Variants in ZNF536 observed in about 807,000 individuals in gnomAD.
ZNF536 encodes zinc finger protein 536.
Under a neutral mutation model 84.5 loss-of-function variants are expected in ZNF536, and 13 were observed. The ratio of observed to expected loss-of-function variants is 0.15; its 90% CI spans 0.10 to 0.24. ZNF536 has a LOEUF of 0.24. ZNF536 is among the 10% of genes least tolerant of loss of function. The pLI, the probability that ZNF536 is intolerant of heterozygous loss-of-function variation, is 1.00. For synonymous variants in ZNF536, 811 were observed against 742.5 expected, an observed-to-expected ratio of 1.09 and a Z score of -1.50; for missense variants, 1,536 against 1,747.5, an observed-to-expected ratio of 0.88 and a Z score of 2.16.
chr19:30,431,507 C>T (rs2051457920), intron 1 of ZNF536, among the ~76,000 whole-genome samples: 1 of 152,186 alleles, frequency 6.6e-6, no homozygotes, highest in Non-Finnish European at 1.5e-5. Flanking sequence ...GGACGAATCT[C>T]CCTGGGCCGA....
At chr19:30,443,214 C>G (rs1019502821) in intron 1 of ZNF536, among the ~76,000 whole-genome samples, 1 of 151,896 alleles carries the variant, frequency 6.6e-6, no homozygotes, top group Admixed American at 6.6e-5. Context: ...GGTACAGGTG[C>G]GACAATGGGG....
At chr19:30,634,443 A>C (rs2048993988) in intron 1 of ZNF536, among the ~76,000 whole-genome samples, 3 of 152,042 alleles carry the variant, frequency 2.0e-5, no homozygotes, top group African/African-American at 4.8e-5. Context: ...AGGAAAAATG[A>C]TTACCCTTGA....
At chr19:30,229,480 G>A (rs2022850524) in intron 1 of ZNF536, among the ~76,000 whole-genome samples, 1 of 152,178 alleles carries the variant, frequency 6.6e-6, no homozygotes, top group African/African-American at 2.4e-5. Context: ...GATTTGCTTG[G>A]GGGAAGACTA....
intron 1 of ZNF536, among the ~76,000 whole-genome samples, chr19:30,635,743 T>G (rs1305044484): frequency 2.6e-5 from 4 of 152,016 alleles, no homozygotes; most frequent in Admixed American, 2.6e-4. Flanking sequence ...TAAAGAGGAG[T>G]TCCGGACTGC....
intron 3 of ZNF536, among the ~76,000 whole-genome samples, chr19:30,360,063 C>T (rs953974104): frequency 2.6e-5 from 4 of 152,170 alleles, no homozygotes; most frequent in East Asian, 1.9e-4. Flanking sequence ...GAAGAGTCTG[C>T]GGGTCAGAGA....
chr19:30,233,409 A>G (rs1247008422), intron 1 of ZNF536, among the ~76,000 whole-genome samples: 4 of 151,742 alleles, frequency 2.6e-5, no homozygotes, highest in African/African-American at 9.7e-5. Context: ...CAGTGGTGCA[A>G]TCACGGCTCA....
chr19:30,671,560 C>T (rs148172738), intron 1 of ZNF536, among the ~76,000 whole-genome samples: 84 of 152,118 alleles, frequency 5.5e-4, no homozygotes, highest in African/African-American at 1.9e-3. Context: ...GAAGGGGAAG[C>T]GGGGCAGGGG....
chr19:30,545,970 G>T lies in ZNF536; in HGVS notation c.2324-1973G>T, dbSNP rs767843648. On this transcript the variant is annotated intron_variant, in intron 3 of 4. Coordinates refer to ENST00000355537, the MANE Select transcript of ZNF536 (RefSeq NM_014717.3). ...GGCCTCACCTCTGCAGGCTTTCATC[G>T]CCTGGCCCTCCCGCAGGGCTTGCTC... Among the ~76,000 whole-genome samples the T allele has an allele frequency of 7.9e-5, 12 of 152,274 alleles. No homozygotes were observed. The East Asian group carries it at 1.2e-3, about 15-fold the overall frequency.
At chr19:30,345,956 GCACTTGT>G (rs2047728742) in intron 2 of ZNF536, among the ~76,000 whole-genome samples, 1 of 152,240 alleles carries the variant, frequency 6.6e-6, no homozygotes, top group African/African-American at 2.4e-5. Flanking sequence ...CCCGTGTACA[GCACTTGT>G]GCTTTGTTGC....
intron 1 of ZNF536, among the ~76,000 whole-genome samples, chr19:30,588,980 C>A (rs1330567932): frequency 1.3e-5 from 2 of 152,016 alleles, no homozygotes; most frequent in Non-Finnish European, 2.9e-5. Context: ...TGAGGTGTGG[C>A]CAAAAGAATA....
intron 1 of ZNF536, among the ~76,000 whole-genome samples, chr19:30,395,917 C>T (rs1037245063): frequency 6.6e-6 from 1 of 152,142 alleles, no homozygotes; most frequent in Non-Finnish European, 1.5e-5. Context: ...CACAATTCCT[C>T]GCTATTAACA....
chr19:30,644,432 T>C (rs192326455), intron 1 of ZNF536, among the ~76,000 whole-genome samples: 3 of 152,204 alleles, frequency 2.0e-5, no homozygotes, highest in Non-Finnish European at 4.4e-5. Flanking sequence ...TAGTTACATA[T>C]GTATACATGT....
chr19:30,276,752 G>C (rs2026152943), intron 1 of ZNF536, among the ~76,000 whole-genome samples: 1 of 152,064 alleles, frequency 6.6e-6, no homozygotes, highest in South Asian at 2.1e-4. Flanking sequence ...GATGTGTACT[G>C]TTAAACCGTA....
upstream of ZNF536, among the ~76,000 whole-genome samples, chr19:30,369,716 G>T (rs900232876): frequency 5.3e-5 from 8 of 152,092 alleles, no homozygotes; most frequent in African/African-American, 1.7e-4. Context: ...GTTAACCTGG[G>T]TCTGTTCTGT....
At chr19:30,693,198 G>A (rs2051491553) in intron 1 of ZNF536, among the ~76,000 whole-genome samples, 2 of 152,120 alleles carry the variant, frequency 1.3e-5, no homozygotes, top group Admixed American at 6.5e-5. Context: ...TGGGACAAAG[G>A]GATACATGAG....
At chr19:30,273,575 A>G (rs2025969166) in intron 1 of ZNF536, among the ~76,000 whole-genome samples, 1 of 152,110 alleles carries the variant, frequency 6.6e-6, no homozygotes, top group African/African-American at 2.4e-5. Flanking sequence ...GCCCATTTTT[A>G]AATTGGGCTG....
At position 30,548,234 on chromosome 19, in the gene ZNF536, A is replaced by G; in HGVS notation, c.2615A>G (p.Gln872Arg). The change falls in exon 4 of 5, where the codon CAG becomes CGG. Residue 872 changes from glutamine (Q) to arginine (R), a missense_variant. Around this residue, in one of 8 missense-constraint regions of ZNF536, gnomAD observed 624 missense variants for 603.1 expected, o/e 1.03. Coordinates refer to ENST00000355537, the MANE Select transcript of ZNF536 (RefSeq NM_014717.3). ...GVLSSGDHSG[Q>R]ATGMSSEVPS... ...CTCTCCTCTGGAGATCACTCGGGGC[A>G]GGCCACGGGCATGTCTTCGGAGGTC... is the stretch of plus-strand genomic sequence containing the variant. 6.2e-7 allele frequency: 1 copy of G among 1,614,228 alleles called. No homozygotes were observed.
At chr19:30,468,047 G>T (rs1029262792) in intron 2 of ZNF536, among the ~76,000 whole-genome samples, 1 of 152,238 alleles carries the variant, frequency 6.6e-6, no homozygotes, top group African/African-American at 2.4e-5. Flanking sequence ...GCACAAACAG[G>T]CACCAGCGCC....
chr19:30,295,661 G>C (rs1246988257), intron 2 of ZNF536, among the ~76,000 whole-genome samples: 1 of 152,210 alleles, frequency 6.6e-6, no homozygotes, highest in African/African-American at 2.4e-5. Context: ...GACACGCAGA[G>C]CCCTGCCTCT....
Sources: allele counts gnomAD v4.1 joint callset (sites outside exome capture counted in the v4.1 genomes callset), GRCh38; gene constraint gnomAD v4.1.1; regional missense constraint gnomAD v4.1.1; transcripts MANE v1.5; gene names NCBI Gene and HGNC (gene_info 2026-07-23, HGNC 2026-07-21).